The following EPHA5 variants were observed in gnomAD, a reference collection of about 807,000 sequenced individuals.
EPHA5 encodes ephrin type-A receptor 5.
A neutral mutation model predicts 105.0 loss-of-function variants in EPHA5; 60 were observed. The observed-to-expected ratio is 0.57, with a 90% confidence interval of 0.46 to 0.71. EPHA5 has a LOEUF of 0.71. Ranked by LOEUF, EPHA5 falls within the 30% of genes least tolerant of loss-of-function variation. The pLI, the probability that EPHA5 is intolerant of heterozygous loss-of-function variation, is 0.00. For missense variants in EPHA5, 1,218 were observed against 1,274.7 expected, an observed-to-expected ratio of 0.96 and a Z score of 0.68; for synonymous variants, 513 against 449.1, an observed-to-expected ratio of 1.14 and a Z score of -1.80.
At chr4:65,612,447 T>C (rs1375238957) in intron 2 of EPHA5, among the ~76,000 whole-genome samples, 1 of 152,198 alleles carries the variant, frequency 6.6e-6, no homozygotes, top group Non-Finnish European at 1.5e-5. Flanking sequence ...TCTGAACTGT[T>C]TCACTTATGA....
chr4:65,540,879 C>A lies in EPHA5; in HGVS notation c.911-45336G>T, dbSNP rs200035251. Among the ~76,000 whole-genome samples, 152 of 117,796 alleles carry A rather than the reference C, an allele frequency of 1.3e-3. 2 individuals carry two copies. Among genetic ancestry groups the A allele is most frequent in the Middle Eastern group, 3.9e-3 (1 of 254 alleles). 77.3% of individuals were successfully genotyped at this position (117,796 alleles called of 152,430 possible). ...AGTCAATTTTATAAAAAAAAAAAAA[C>A]AAAAATCATTTCTGAAGTGTTTGGC... On this transcript the variant is annotated intron_variant, in intron 3 of 16. Coordinates refer to ENST00000613740, the MANE Select transcript of EPHA5 (RefSeq NM_001281766.3).
chr4:65,506,284 G>A (rs1394364285), intron 3 of EPHA5, among the ~76,000 whole-genome samples: 5 of 151,564 alleles, frequency 3.3e-5, no homozygotes, highest in South Asian at 4.2e-4. Flanking sequence ...AGTCTTTGCT[G>A]TTGTGAATAG....
chr4:65,388,113 C>A (rs1720312750), intron 8 of EPHA5, among the ~76,000 whole-genome samples: 1 of 150,534 alleles, frequency 6.6e-6, no homozygotes. Context: ...TGATGATTTC[C>A]AATTTCATCC....
intron 3 of EPHA5, among the ~76,000 whole-genome samples, chr4:65,526,860 T>TCAATAAAAGG (rs1252707527): frequency 6.6e-6 from 1 of 152,004 alleles, no homozygotes; most frequent in Non-Finnish European, 1.5e-5. Flanking sequence ...TTTTTTATTT[T>TCAATAAAAGG]CAATAAAAGG....
intron 5 of EPHA5, among the ~76,000 whole-genome samples, chr4:65,442,920 C>CTA (rs1287297276): frequency 6.6e-6 from 1 of 152,104 alleles, no homozygotes; most frequent in Non-Finnish European, 1.5e-5. Flanking sequence ...GATGACAACT[C>CTA]TAAAGTCTCA....
rs895598101 is a variant in EPHA5 at position 65,634,521 on chromosome 4, T to C, written c.246+8842A>G. On this transcript the variant is annotated intron_variant, in intron 2 of 16. Transcript: ENST00000613740. ...ATTTTGTCTTCTATACTTCAGTGTA[T>C]GCTTAATGTCTAGCTTGAATTCCAT... 3.3e-5 allele frequency among the ~76,000 whole-genome samples: 5 copies of C among 152,216 alleles called. No homozygotes were observed. In the South Asian group the frequency reaches 1.0e-3, roughly 32 times the overall value.
chr4:65,380,925 A>T (rs1185796744), intron 8 of EPHA5, among the ~76,000 whole-genome samples: 1 of 151,860 alleles, frequency 6.6e-6, no homozygotes, highest in Non-Finnish European at 1.5e-5. Flanking sequence ...TTGTAGTCAA[A>T]CTAGAAGCAG....
At chr4:65,484,238 C>T (rs138190361) in intron 5 of EPHA5, among the ~76,000 whole-genome samples, 2 of 152,058 alleles carry the variant, frequency 1.3e-5, no homozygotes, top group Non-Finnish European at 2.9e-5. Flanking sequence ...CCATATTGTT[C>T]TAATGGTCTC....
At chr4:65,421,860 A>T (rs1723978175) in intron 5 of EPHA5, among the ~76,000 whole-genome samples, 1 of 152,112 alleles carries the variant, frequency 6.6e-6, no homozygotes, top group Admixed American at 6.6e-5. Flanking sequence ...TGAATGGCAA[A>T]TTCATATTTA....
At chr4:65,600,834 C>T (rs1232737664) in intron 3 of EPHA5, among the ~76,000 whole-genome samples, 1 of 152,046 alleles carries the variant, frequency 6.6e-6, no homozygotes, top group Non-Finnish European at 1.5e-5. Context: ...CTCCCCTGTT[C>T]CAGAAAGCCA....
At chr4:65,400,129 A>T (rs953411188) in intron 8 of EPHA5, among the ~76,000 whole-genome samples, 4 of 152,196 alleles carry the variant, frequency 2.6e-5, no homozygotes, top group African/African-American at 9.6e-5. Context: ...GAAAATATTC[A>T]TTGGTGAAAG....
chr4:65,440,570 TAA>T (rs201154378), intron 5 of EPHA5, among the ~76,000 whole-genome samples: 2,097 of 150,408 alleles, frequency 0.014, 30 homozygotes, highest in Non-Finnish European at 0.02. Flanking sequence ...AGAAATAATG[TAA>T]AGTTATTTTC....
intron 5 of EPHA5, among the ~76,000 whole-genome samples, chr4:65,464,512 G>C (rs775148374): frequency 6.6e-6 from 1 of 152,046 alleles, no homozygotes; most frequent in Non-Finnish European, 1.5e-5. Flanking sequence ...CGTTGTGATA[G>C]TTTTGCCTAA....
intron 3 of EPHA5, among the ~76,000 whole-genome samples, chr4:65,570,123 C>A (rs1739968788): frequency 6.6e-6 from 1 of 151,594 alleles, no homozygotes; most frequent in African/African-American, 2.4e-5. Flanking sequence ...TGTATGAGTT[C>A]AGAGAAGTTC....
intron 8 of EPHA5, 84 bp downstream of exon 8, chr4:65,404,290 G>C: frequency 4.7e-6 from 5 of 1,061,446 alleles, no homozygotes; most frequent in Non-Finnish European, 7.2e-6. Context: ...ATTTGTTTTG[G>C]GATGTGCTCA....
At chr4:65,490,348 T>TA in intron 5 of EPHA5, 29 bp downstream of exon 5, 4 of 1,593,704 alleles carry the variant, frequency 2.5e-6, no homozygotes, top group Non-Finnish European at 3.4e-6. Context: ...AGGCCTCACA[T>TA]ACACAATTGG....
rs181260763 is a variant in EPHA5 at position 65,496,241 on chromosome 4, T to A, written c.911-698A>T. 8.1e-3 allele frequency among the ~76,000 whole-genome samples: 1,237 copies of A among 152,194 alleles called. 12 individuals carry two copies. Among genetic ancestry groups the A allele is most frequent in the Non-Finnish European group, 0.012 (833 of 67,998 alleles). On this transcript the variant is annotated intron_variant, in intron 3 of 16. Coordinates refer to ENST00000613740, the MANE Select transcript of EPHA5 (RefSeq NM_001281766.3). ...AGTTCAAACATTATGTCTTTTTTTT[T>A]ATTATACTTTAAGTTTTAGGGTACA...
intron 8 of EPHA5, among the ~76,000 whole-genome samples, chr4:65,387,292 C>T (rs1168311112): frequency 2.6e-5 from 4 of 151,902 alleles, no homozygotes; most frequent in African/African-American, 7.3e-5. Context: ...GGCTTGGATA[C>T]ACTGGAGCAG....
chr4:65,425,812 T>C (rs915274057), intron 5 of EPHA5, among the ~76,000 whole-genome samples: 1 of 152,082 alleles, frequency 6.6e-6, no homozygotes, highest in African/African-American at 2.4e-5. Flanking sequence ...TTTCTGCTTA[T>C]ATTTGGTATT....
Sources: allele counts gnomAD v4.1 joint callset (sites outside exome capture counted in the v4.1 genomes callset), GRCh38; gene constraint gnomAD v4.1.1; transcripts MANE v1.5; gene names NCBI Gene and HGNC (gene_info 2026-07-23, HGNC 2026-07-21).